EIF4G3: variants seen among roughly 807,000 people sequenced by gnomAD.
EIF4G3 encodes eIF-4-gamma 3.
EIF4G3 carries 34 observed loss-of-function variants against 186.4 expected under a neutral mutation model. That is an observed-to-expected ratio of 0.18 (90% confidence interval 0.14 to 0.24). The LOEUF is 0.24. EIF4G3 is among the 10% of genes least tolerant of loss of function. EIF4G3 has a pLI of 1.00. For synonymous variants in EIF4G3, 673 were observed against 679.5 expected (o/e 0.99, Z 0.15); for missense variants, 1,536 against 1,948.5 (o/e 0.79, Z 3.99).
intron 3 of EIF4G3, among the ~76,000 whole-genome samples, chr1:21,054,418 G>A (rs1446859347): frequency 6.8e-6 from 1 of 147,500 alleles, no homozygotes; most frequent in African/African-American, 2.5e-5. Context: ...CTATTGTCCT[G>A]TGACCCTGCC....
intron 6 of EIF4G3, chr1:20,998,859 T>C (rs1397515556): frequency 1.4e-5 from 6 of 430,016 alleles, no homozygotes; most frequent in Non-Finnish European, 2.8e-5. Context: ...TCTAATATAT[T>C]TAAGGAGCAA....
intron 19 of EIF4G3, among the ~76,000 whole-genome samples, chr1:20,881,287 A>G (rs1260061190): frequency 6.6e-6 from 1 of 152,220 alleles, no homozygotes; most frequent in Non-Finnish European, 1.5e-5. Context: ...AAGGGGAGAA[A>G]AAGAACCCTG....
intron 11 of EIF4G3, among the ~76,000 whole-genome samples, chr1:20,970,964 CA>C (rs1253808687): frequency 1.3e-5 from 2 of 150,612 alleles, no homozygotes; most frequent in Non-Finnish European, 3.0e-5. Context: ...GACTTTGTCT[CA>C]AAAAAACAGA....
At position 21,076,697 on chromosome 1, in the gene EIF4G3, A is replaced by G. The variant is rs184952177; in HGVS notation, c.-196+12441T>C. On this transcript the variant is annotated intron_variant, in intron 3 of 36. Coordinates refer to ENST00000602326, the MANE Select transcript of EIF4G3 (RefSeq NM_001391906.1). The stretch of plus-strand genomic sequence containing the variant: ...CAAGAATATACACAGGAGAAAGGAC[A>G]GTCTCCTCAATCAACAGTGCTGGGA... Among the ~76,000 whole-genome samples, 526 of 152,246 alleles carry G rather than the reference A, an allele frequency of 3.5e-3. 1 individual carries two copies. The highest frequency in any genetic ancestry group is 5.7e-3 in the Non-Finnish European group (386 of 68,008).
intron 27 of EIF4G3, 58 bp from the exon 28 acceptor site, chr1:20,851,536 T>G: frequency 1.3e-6 from 2 of 1,523,210 alleles, no homozygotes; most frequent in Non-Finnish European, 1.8e-6. Context: ...CCCCACATAT[T>G]CAAATTATAA....
chr1:20,825,599 C>G lies in EIF4G3; in HGVS notation c.4270-401G>C, dbSNP rs147758275. On this transcript the variant is annotated intron_variant, in intron 32 of 36. Coordinates refer to ENST00000602326, the MANE Select transcript of EIF4G3 (RefSeq NM_001391906.1). Reference sequence around the variant, plus strand: ...ATAATTGATTTATGAGGTGACTAATCTGGGGAGCTACAGCTGGTTATTTGG... The same window carrying G: ...ATAATTGATTTATGAGGTGACTAATGTGGGGAGCTACAGCTGGTTATTTGG... Among the ~76,000 whole-genome samples, 1,394 of 152,280 alleles carry G rather than the reference C, an allele frequency of 9.2e-3. 11 individuals carry two copies. Among genetic ancestry groups the G allele is most frequent in the Middle Eastern group, 0.017 (5 of 294 alleles).
intron 14 of EIF4G3, among the ~76,000 whole-genome samples, chr1:20,907,541 CT>C (rs1558178112): frequency 2.7e-5 from 4 of 149,870 alleles, no homozygotes; most frequent in East Asian, 2.0e-4. Context: ...TCCCTCCCCC[CT>C]CCCCCAACCC....
chr1:20,952,692 T>C (rs1262849539), intron 12 of EIF4G3, among the ~76,000 whole-genome samples: 2 of 151,938 alleles, frequency 1.3e-5, no homozygotes, highest in African/African-American at 2.4e-5. Flanking sequence ...CTACCAAAAA[T>C]ACAAAAATTA....
intron 16 of EIF4G3, 42 bp downstream of exon 16, chr1:20,899,655 A>G (rs1307919478): frequency 1.2e-6 from 2 of 1,604,836 alleles, no homozygotes; most frequent in East Asian, 2.2e-5. Context: ...AGGTTGCAGT[A>G]GAGGGATAAA....
intron 2 of EIF4G3, among the ~76,000 whole-genome samples, chr1:21,135,824 G>T (rs1430492079): frequency 6.6e-6 from 1 of 152,204 alleles, no homozygotes; most frequent in Non-Finnish European, 1.5e-5. Context: ...TCAACAGAAA[G>T]ACTTCTAATA....
At chr1:21,111,236 T>C in intron 2 of EIF4G3, 1 of 460,742 alleles carries the variant, frequency 2.2e-6, no homozygotes, top group Admixed American at 2.4e-5. Flanking sequence ...TCCTGAGTAC[T>C]AACAAGTGGC....
At chr1:21,159,108 G>A (rs1003180749) in intron 2 of EIF4G3, among the ~76,000 whole-genome samples, 11 of 152,046 alleles carry the variant, frequency 7.2e-5, no homozygotes, top group South Asian at 2.1e-4. Context: ...CACGATTGTC[G>A]GGGAACTCAG....
At chr1:20,825,964 A>G (rs536278119) in intron 32 of EIF4G3, among the ~76,000 whole-genome samples, 1 of 152,348 alleles carries the variant, frequency 6.6e-6, no homozygotes, top group African/African-American at 2.4e-5. Context: ...GCCAGGTTTG[A>G]GGCTGTTGCT....
intron 4 of EIF4G3, among the ~76,000 whole-genome samples, chr1:21,017,729 A>T (rs2089603586): frequency 1.3e-5 from 2 of 151,998 alleles, no homozygotes; most frequent in South Asian, 4.1e-4. Flanking sequence ...AAAAAAATTT[A>T]AAAAGCTCAT....
chr1:20,915,351 CACTA>C (rs560265218), intron 14 of EIF4G3, among the ~76,000 whole-genome samples: 36 of 152,074 alleles, frequency 2.4e-4, no homozygotes, highest in African/African-American at 8.7e-4. Flanking sequence ...GGAGAAAACT[CACTA>C]ACTCATCATT....
chr1:20,933,374 C>G (rs563309140), intron 14 of EIF4G3, among the ~76,000 whole-genome samples: 1 of 151,952 alleles, frequency 6.6e-6, no homozygotes, highest in African/African-American at 2.4e-5. Context: ...ACCAGGGCAC[C>G]GGCCAGGCGT....
intron 18 of EIF4G3, among the ~76,000 whole-genome samples, chr1:20,889,494 TA>T (rs2085270092): frequency 6.6e-6 from 1 of 152,196 alleles, no homozygotes; most frequent in Non-Finnish European, 1.5e-5. Flanking sequence ...TAAGTAATTT[TA>T]TTTATTTTTT....
intron 26 of EIF4G3, among the ~76,000 whole-genome samples, chr1:20,854,358 G>C (rs1010196650): frequency 6.6e-6 from 1 of 151,826 alleles, no homozygotes; most frequent in Non-Finnish European, 1.5e-5. Context: ...AATTTCTCTA[G>C]CTATATTAAA....
intron 3 of EIF4G3, among the ~76,000 whole-genome samples, chr1:21,059,731 T>C (rs991155842): frequency 6.6e-6 from 1 of 152,246 alleles, no homozygotes; most frequent in Admixed American, 6.5e-5. Context: ...ATACCATGTA[T>C]GTTCTACTAT....
Sources: gnomAD v4.1 joint callset for allele counts (sites outside exome capture counted in the v4.1 genomes callset) on GRCh38, gnomAD v4.1.1 for gene constraint, MANE v1.5 for transcripts, NCBI Gene and HGNC (gene_info 2026-07-23, HGNC 2026-07-21) for gene names.